The following TBPL1 variants were observed in gnomAD, a reference collection of about 807,000 sequenced individuals.
The protein encoded by TBPL1 is TATA-box binding protein like 1.
TBPL1 carries 4 observed loss-of-function variants against 22.1 expected under a neutral mutation model. The ratio of observed to expected loss-of-function variants is 0.18; its 90% CI spans 0.09 to 0.41. The LOEUF is 0.41. Among genes scored for constraint, TBPL1 ranks in the 10% least tolerant of loss-of-function variants. The pLI is 1.00. For missense variants in TBPL1, 115 were observed against 222.3 expected (o/e 0.52, Z 3.07); for synonymous variants, 64 against 71.0 (o/e 0.90, Z 0.50).
At chr6:133,984,526 T>C in intron 5 of TBPL1, 47 bp downstream of exon 5, 1 of 1,609,880 alleles carries the variant, frequency 6.2e-7, no homozygotes, top group Non-Finnish European at 8.5e-7. Flanking sequence ...AAATTTGAAA[T>C]TACTAGTCAG....
chr6:133,983,359 A>G (rs1266981624), intron 4 of TBPL1, among the ~76,000 whole-genome samples: 1 of 152,220 alleles, frequency 6.6e-6, no homozygotes, highest in Non-Finnish European at 1.5e-5. Context: ...ACGATTACAT[A>G]TTATGGACTT....
intron 6 of TBPL1, among the ~76,000 whole-genome samples, chr6:133,985,313 T>A (rs1212342483): frequency 0.2 from 6,707 of 33,626 alleles, 1,838 homozygotes; most frequent in Non-Finnish European, 0.27. Flanking sequence ...TATATATATA[T>A]ATATATATAT....
chr6:133,985,253 T>C (rs1246833126), intron 6 of TBPL1, among the ~76,000 whole-genome samples: 1 of 117,194 alleles, frequency 8.5e-6, no homozygotes, highest in Non-Finnish European at 1.6e-5. Flanking sequence ...CACTCCAGAC[T>C]GGCAACAGAG....
At chr6:133,952,721 C>G (rs1440488005), upstream of TBPL1, 1 of 152,056 alleles carries the variant, frequency 6.6e-6, no homozygotes, top group Non-Finnish European at 1.5e-5. The surrounding 1 kb of genome is among the most constrained non-coding windows in gnomAD (Gnocchi z 4.5). Flanking sequence ...AAACAAGTCT[C>G]GTCTGGACGG....
At chr6:133,967,696 G>A (rs980842650) in intron 1 of TBPL1, among the ~76,000 whole-genome samples, 1 of 152,182 alleles carries the variant, frequency 6.6e-6, no homozygotes, top group African/African-American at 2.4e-5. Context: ...TAGGAAAGGT[G>A]TAGTAGAACT....
chr6:133,959,127 C>T (rs978679843), intron 1 of TBPL1, among the ~76,000 whole-genome samples: 1 of 152,024 alleles, frequency 6.6e-6, no homozygotes, highest in Admixed American at 6.5e-5. Context: ...GCAACTTCGG[C>T]TTCCCAGGTT....
chr6:133,975,952 T>C (rs1371807386), intron 1 of TBPL1, among the ~76,000 whole-genome samples: 1 of 152,232 alleles, frequency 6.6e-6, no homozygotes, highest in East Asian at 1.9e-4. Context: ...GCAGGCTTAA[T>C]AGCCTTGTGA....
At chr6:133,964,177 A>G (rs1776077605) in intron 1 of TBPL1, among the ~76,000 whole-genome samples, 1 of 152,116 alleles carries the variant, frequency 6.6e-6, no homozygotes, top group South Asian at 2.1e-4. Flanking sequence ...TGACTTTCTC[A>G]CAGACCATAA....
chr6:133,959,049 T>G (rs1775974051), intron 1 of TBPL1, among the ~76,000 whole-genome samples: 1 of 152,132 alleles, frequency 6.6e-6, no homozygotes, highest in African/African-American at 2.4e-5. Context: ...GGAAATTTTT[T>G]TTTTGTTTGA....
intron 1 of TBPL1, among the ~76,000 whole-genome samples, chr6:133,979,856 A>G (rs1034312156): frequency 3.3e-5 from 5 of 152,164 alleles, no homozygotes; most frequent in African/African-American, 1.2e-4. Flanking sequence ...TATGTTGGCC[A>G]GTCTGGTTTT....
intron 2 of TBPL1, among the ~76,000 whole-genome samples, chr6:133,981,236 A>G (rs554456148): frequency 3.2e-4 from 48 of 151,674 alleles, no homozygotes; most frequent in Admixed American, 1.6e-3. Flanking sequence ...CTTCCAAAGT[A>G]CTGGGATTAT....
intron 1 of TBPL1, among the ~76,000 whole-genome samples, chr6:133,954,292 A>G (rs1775889699): frequency 1.3e-5 from 2 of 152,220 alleles, no homozygotes; most frequent in African/African-American, 4.8e-5. Flanking sequence ...ACAGTGCCTT[A>G]AAACTGTGAC....
At chr6:133,973,031 A>C (rs552071577) in intron 1 of TBPL1, among the ~76,000 whole-genome samples, 25 of 152,232 alleles carry the variant, frequency 1.6e-4, no homozygotes, top group Non-Finnish European at 2.8e-4. Flanking sequence ...TCAAACAGAT[A>C]CGAAAGAACA....
Position 133,985,300 on chromosome 6 carries a change from ATAT to A in TBPL1, c.481+630_481+632del, listed in dbSNP as rs1776495536. On this transcript the variant is annotated intron_variant, in intron 6 of 6. Coordinates refer to ENST00000237264, the MANE Select transcript of TBPL1 (RefSeq NM_004865.4). ...CTAAAAAAAAAAAAAAAAAAAAAAT[ATAT>A]ATATATATATATATATATATATATA... Among the ~76,000 whole-genome samples the A allele has an allele frequency of 1.2e-3, 43 of 35,724 alleles. 8 individuals are homozygous for A. The highest frequency in any genetic ancestry group is 3.0e-3 in the African/African-American group (26 of 8,756). The allele number at this position is 35,724 out of a possible 152,430, so 23.4% of individuals were successfully genotyped here.
chr6:133,984,354 G>T, intron 4 of TBPL1, 22 bp from the exon 5 acceptor site: 1 of 1,538,926 alleles, frequency 6.5e-7, no homozygotes. Context: ...TAAATTTATT[G>T]AATTTTACTT....
At chr6:133,976,607 G>C (rs944733174) in intron 1 of TBPL1, among the ~76,000 whole-genome samples, 1 of 152,102 alleles carries the variant, frequency 6.6e-6, no homozygotes, top group Non-Finnish European at 1.5e-5. Flanking sequence ...CTAATATTTA[G>C]TTAGACCTGT....
At position 133,988,921 on chromosome 6, in the gene TBPL1, A is replaced by G. The variant is rs975488152; in HGVS notation, c.*1881A>G. 24 of 152,328 alleles carry G rather than the reference A, an allele frequency of 1.6e-4. No individual in the cohort carries two copies. The highest frequency in any genetic ancestry group is 5.5e-4 in the African/African-American group (23 of 41,580). 9.4% of individuals were successfully genotyped at this position (152,328 alleles called of 1,614,324 possible). ...TTCACCAAAAAAAGAAACATAGAAT[A>G]GGGGGAAAACATGCTTATATAGCCA... is the stretch of plus-strand genomic sequence containing the variant. On this transcript the variant is annotated 3_prime_UTR_variant, in exon 7 of 7. Transcript: ENST00000237264.
chr6:133,952,612 A>G (rs1006166340), upstream of TBPL1: 5 of 152,148 alleles, frequency 3.3e-5, no homozygotes, highest in African/African-American at 1.2e-4. The surrounding 1 kb of genome is among the most constrained non-coding windows in gnomAD (Gnocchi z 4.5). Flanking sequence ...CAGGATTCCA[A>G]TTCGCCTAGT....
At position 133,984,387 on chromosome 6, in the gene TBPL1, A is replaced by G; in HGVS notation, c.294A>G (p.Thr98=). ...CTTCTCTCCTAAAGGTAATATTTAC[A>G]GATTTTAAGGTTGTTAACGTTCTGG... is the stretch of plus-strand genomic sequence containing the variant. ...LQKLGFQVIF[T]DFKVVNVLAV... is the part of the protein sequence containing the mutation. Residue 98 remains threonine, a synonymous_variant, in exon 5 of 7, where the codon ACA becomes ACG. Transcript: ENST00000237264. 1 of 1,609,356 alleles carries G rather than the reference A, an allele frequency of 6.2e-7. No homozygotes were observed. The highest frequency in any genetic ancestry group is 1.1e-5 in the South Asian group (1 of 90,020).
Sources: allele counts gnomAD v4.1 joint callset (sites outside exome capture counted in the v4.1 genomes callset), GRCh38; gene constraint gnomAD v4.1.1; non-coding constraint Gnocchi (gnomAD v3.1); transcripts MANE v1.5; gene names NCBI Gene and HGNC (gene_info 2026-07-23, HGNC 2026-07-21).